PGM5: variants seen among roughly 807,000 people sequenced by gnomAD.
PGM5 encodes the protein phosphoglucomutase 5, also known as phosphoglucomutase-like protein 5.
PGM5 carries 23 observed loss-of-function variants against 59.2 expected under a neutral mutation model. That is an observed-to-expected ratio of 0.39 (90% confidence interval 0.28 to 0.55). The LOEUF (loss-of-function observed/expected upper bound fraction) is 0.55. Among genes scored for constraint, PGM5 ranks in the 20% least tolerant of loss-of-function variants. PGM5 has a pLI of 0.66. For synonymous variants in PGM5, 214 were observed against 286.0 expected (o/e 0.75, Z 2.54); for missense variants, 574 against 748.3 (o/e 0.77, Z 2.72).
chr9:68,416,153 G>T (rs548339070), intron 6 of PGM5, among the ~76,000 whole-genome samples: 154 of 152,276 alleles, frequency 1.0e-3, no homozygotes, highest in African/African-American at 3.5e-3. Flanking sequence ...TCTGATTATT[G>T]GTTAGCCAGT....
At chr9:68,450,620 G>A (rs1823680519) in intron 6 of PGM5, among the ~76,000 whole-genome samples, 1 of 152,214 alleles carries the variant, frequency 6.6e-6, no homozygotes, top group African/African-American at 2.4e-5. Context: ...AAGTAAATTT[G>A]CCACTTTTAT....
At chr9:68,393,023 C>T (rs1446375262) in intron 6 of PGM5, among the ~76,000 whole-genome samples, 2 of 151,862 alleles carry the variant, frequency 1.3e-5, no homozygotes, top group Non-Finnish European at 2.9e-5. Flanking sequence ...TGGAAAATAC[C>T]CAACAAGAGA....
intron 6 of PGM5, among the ~76,000 whole-genome samples, chr9:68,416,195 T>C (rs1823028854): frequency 6.6e-6 from 1 of 152,172 alleles, no homozygotes; most frequent in Non-Finnish European, 1.5e-5. Flanking sequence ...AAAGATGAAA[T>C]AGTAAGAGAA....
At chr9:68,429,427 T>C (rs1375149425) in intron 6 of PGM5, 14 of 152,232 alleles carry the variant, frequency 9.2e-5, no homozygotes, top group African/African-American at 3.4e-4. Context: ...AGCAGGAGAA[T>C]GGCAATCATA....
Position 68,503,226 on chromosome 9 carries a change from G to C in PGM5, c.1614+3865G>C, listed in dbSNP as rs144778311. 3.5e-3 allele frequency among the ~76,000 whole-genome samples: 540 copies of C among 152,186 alleles called. 3 individuals are homozygous for C. Among genetic ancestry groups the C allele is most frequent in the African/African-American group, 0.012 (500 of 41,518 alleles). On this transcript the variant is annotated intron_variant, in intron 10 of 10. Transcript: ENST00000396396. ...ACAGATGCTCCTAGATTTACAACAG[G>C]GTTACACCCCAATAAACCCATCATA...
At chr9:68,453,707 G>T (rs984109) in intron 6 of PGM5, among the ~76,000 whole-genome samples, 5,092 of 152,268 alleles carry the variant, frequency 0.033, 181 homozygotes, top group African/African-American at 0.094. Context: ...AGTTCTGGAA[G>T]CACCTTTATA....
intron 1 of PGM5, among the ~76,000 whole-genome samples, chr9:68,366,865 T>C (rs1409718726): frequency 7.2e-5 from 11 of 152,238 alleles, no homozygotes; most frequent in Admixed American, 7.2e-4. Flanking sequence ...ACACAATTAT[T>C]ATAAAAATAT....
In PGM5 at chr9:68,479,093, C is replaced by T. The variant is rs190756389; in HGVS notation, c.1160-325C>T. Among the ~76,000 whole-genome samples, 56 of 152,254 alleles carry T rather than the reference C, an allele frequency of 3.7e-4. 1 individual carries two copies. Among genetic ancestry groups the T allele is most frequent in the East Asian group, 7.7e-4 (4 of 5,182 alleles). On this transcript the variant is annotated intron_variant, in intron 7 of 10. Coordinates refer to ENST00000396396, the MANE Select transcript of PGM5 (RefSeq NM_021965.4). ...TCTTGTTCACTGCTTTACCCCAAGACGTAGAACAATGCCTGATATATTGTA... is the reference window on the plus strand; with the variant it reads ...TCTTGTTCACTGCTTTACCCCAAGATGTAGAACAATGCCTGATATATTGTA...
chr9:68,360,690 C>T (rs1484622126), intron 1 of PGM5, among the ~76,000 whole-genome samples: 18 of 151,980 alleles, frequency 1.2e-4, no homozygotes, highest in African/African-American at 3.9e-4. Context: ...AAACATAGAA[C>T]ATAGATTGTA....
At chr9:68,423,645 C>CTCTG (rs1346399922) in intron 6 of PGM5, among the ~76,000 whole-genome samples, 4 of 104,966 alleles carry the variant, frequency 3.8e-5, no homozygotes, top group African/African-American at 1.3e-4. Context: ...CTCTCTCTCT[C>CTCTG]TCTCTCTCTG....
chr9:68,359,054 G>C (rs1280267546), intron 1 of PGM5, among the ~76,000 whole-genome samples: 1 of 152,184 alleles, frequency 6.6e-6, no homozygotes, highest in Non-Finnish European at 1.5e-5. Context: ...TTTTTAGGGA[G>C]TGAGAGAAAC....
chr9:68,387,584 C>T lies in PGM5; in HGVS notation c.693C>T (p.His231=), dbSNP rs145174255. Residue 231 remains histidine (H), a synonymous_variant, in exon 4 of 11, where the codon CAC becomes CAT. Transcript: ENST00000396396. ...SQLKIRIDAM[H]GVMGPYVRKV... is the part of the protein sequence containing the mutation. Reference sequence around the variant, plus strand: ...TGAAGATTCGCATTGACGCAATGCACGGAGGTAAGCTTGTGATTTTCTCCA... The same window carrying T: ...TGAAGATTCGCATTGACGCAATGCATGGAGGTAAGCTTGTGATTTTCTCCA... 79 of 1,611,470 alleles carry T rather than the reference C, an allele frequency of 4.9e-5. No homozygotes were observed. The highest frequency in any genetic ancestry group is 2.0e-4 in the South Asian group (18 of 91,016).
intron 9 of PGM5, among the ~76,000 whole-genome samples, chr9:68,486,795 C>T (rs114762328): frequency 0.01 from 1,556 of 152,186 alleles, 25 homozygotes; most frequent in African/African-American, 0.034. Flanking sequence ...TACTTAGGAG[C>T]GGAATTGCTG....
intron 7 of PGM5, among the ~76,000 whole-genome samples, chr9:68,466,876 CCT>C (rs1260355269): frequency 6.6e-6 from 1 of 152,188 alleles, no homozygotes; most frequent in African/African-American, 2.4e-5. Flanking sequence ...GTAGCAGAGA[CCT>C]CTGACTAGTA....
chr9:68,423,205 C>T (rs537730060), intron 6 of PGM5, among the ~76,000 whole-genome samples: 10 of 152,186 alleles, frequency 6.6e-5, no homozygotes, highest in Non-Finnish European at 1.3e-4. Flanking sequence ...GTATCTTTTT[C>T]GTATAATGAC....
chr9:68,371,951 C>A (rs2131984287), intron 1 of PGM5, among the ~76,000 whole-genome samples: 1 of 152,266 alleles, frequency 6.6e-6, no homozygotes, highest in East Asian at 1.9e-4. Flanking sequence ...AAGGGAGGAT[C>A]CTCCCCTAGA....
chr9:68,490,116 T>C (rs1447056540), intron 9 of PGM5, among the ~76,000 whole-genome samples: 1 of 152,200 alleles, frequency 6.6e-6, no homozygotes, highest in Non-Finnish European at 1.5e-5. Flanking sequence ...ATTGGCAATC[T>C]CAAAGTCACA....
intron 3 of PGM5, among the ~76,000 whole-genome samples, chr9:68,386,086 TG>T (rs1484548156): frequency 6.6e-6 from 1 of 151,784 alleles, no homozygotes; most frequent in Non-Finnish European, 1.5e-5. Flanking sequence ...TGGTACTGTG[TG>T]TTACCTATTG....
intron 10 of PGM5, among the ~76,000 whole-genome samples, chr9:68,510,082 G>GT (rs1435482515): frequency 2.7e-5 from 4 of 149,194 alleles, no homozygotes; most frequent in African/African-American, 4.9e-5. Flanking sequence ...ACAAGATTTT[G>GT]TTTTTTTCAC....
Sources: gnomAD v4.1 joint callset for allele counts (sites outside exome capture counted in the v4.1 genomes callset) on GRCh38, gnomAD v4.1.1 for gene constraint, MANE v1.5 for transcripts, NCBI Gene and HGNC (gene_info 2026-07-23, HGNC 2026-07-21) for gene names.